The following KCNH5 variants were observed in gnomAD, a reference collection of about 807,000 sequenced individuals.
KCNH5 encodes the protein potassium voltage-gated channel subfamily H member 5, also known as voltage-gated delayed rectifier potassium channel KCNH5.
In KCNH5, 46 loss-of-function variants were observed where a neutral mutation model predicts 96.1. That is an observed-to-expected ratio of 0.48 (90% CI 0.38 to 0.61). The LOEUF (loss-of-function observed/expected upper bound fraction) is 0.61, where lower values mean the gene tolerates loss of function less well. Ranked by LOEUF, KCNH5 falls within the 20% of genes least tolerant of loss-of-function variation. KCNH5 has a pLI of 0.00. For synonymous variants in KCNH5, 439 were observed against 449.8 expected, an observed-to-expected ratio of 0.98 and a Z score of 0.30; for missense variants, 907 against 1,225.8, an observed-to-expected ratio of 0.74 and a Z score of 3.88.
At chr14:62,727,094 G>A (rs1201621801) in intron 10 of KCNH5, among the ~76,000 whole-genome samples, 1 of 152,174 alleles carries the variant, frequency 6.6e-6, no homozygotes, top group Non-Finnish European at 1.5e-5. Context: ...GGCAGGCAGA[G>A]TGGCTTGTGC....
chr14:62,743,932 A>G (rs1042348437), intron 10 of KCNH5, among the ~76,000 whole-genome samples: 2 of 152,164 alleles, frequency 1.3e-5, no homozygotes, highest in Admixed American at 1.3e-4. Context: ...ACAAGAAATA[A>G]ACAGCCAAGT....
At chr14:62,868,401 C>T (rs1213956345) in intron 7 of KCNH5, among the ~76,000 whole-genome samples, 1 of 152,172 alleles carries the variant, frequency 6.6e-6, no homozygotes, top group Admixed American at 6.5e-5. Context: ...GAGATGCAAA[C>T]CTATTAGGTT....
chr14:62,747,059 C>T (rs557432362), intron 10 of KCNH5, among the ~76,000 whole-genome samples: 61 of 152,320 alleles, frequency 4.0e-4, no homozygotes, highest in African/African-American at 1.4e-3. Flanking sequence ...TCAGGCCGGA[C>T]GCGGCGGCTC....
chr14:62,762,243 A>G (rs900123531), intron 10 of KCNH5, among the ~76,000 whole-genome samples: 1 of 152,072 alleles, frequency 6.6e-6, no homozygotes, highest in African/African-American at 2.4e-5. Context: ...TCACACCTGG[A>G]CAGAGCAAGT....
intron 7 of KCNH5, among the ~76,000 whole-genome samples, chr14:62,923,123 T>A (rs1889410035): frequency 6.6e-6 from 1 of 151,890 alleles, no homozygotes; most frequent in Non-Finnish European, 1.5e-5. Context: ...TTCAGTACAG[T>A]TGCAGTATAT....
chr14:62,880,146 C>A (rs1030805555), intron 7 of KCNH5, among the ~76,000 whole-genome samples: 2 of 152,094 alleles, frequency 1.3e-5, no homozygotes, highest in African/African-American at 4.8e-5. Context: ...CCTACTTATG[C>A]GTTCATAGTC....
In KCNH5 at chr14:62,882,379, G is replaced by A. The variant is rs149773568; in HGVS notation, c.1370-32527C>T. On this transcript the variant is annotated intron_variant, in intron 7 of 10. Transcript: ENST00000322893. ...AGAATTCTCTCTACTGAAAGAACTAGTATTGAGCTGCATGCTGTAATTTCT... is the reference window on the plus strand; with the variant it reads ...AGAATTCTCTCTACTGAAAGAACTAATATTGAGCTGCATGCTGTAATTTCT... Among the ~76,000 whole-genome samples the A allele has an allele frequency of 1.9e-3, 283 of 152,322 alleles. 1 individual carries two copies. The highest frequency in any genetic ancestry group is 0.01 in the Middle Eastern group (3 of 294).
At chr14:62,997,141 G>T (rs1317965778) in intron 4 of KCNH5, among the ~76,000 whole-genome samples, 2 of 152,154 alleles carry the variant, frequency 1.3e-5, no homozygotes, top group Non-Finnish European at 2.9e-5. Flanking sequence ...CATGGAGAAT[G>T]AGATATCCAT....
chr14:62,896,806 G>A (rs567853774), intron 7 of KCNH5, among the ~76,000 whole-genome samples: 3 of 152,188 alleles, frequency 2.0e-5, no homozygotes, highest in East Asian at 3.9e-4. Context: ...TAATCTCAAC[G>A]GAATATTTAG....
chr14:63,016,815 C>T lies in KCNH5; in HGVS notation c.197+16G>A, dbSNP rs370733252. On this transcript the variant is annotated intron_variant, in intron 2 of 10. Transcript: ENST00000322893. ...TTAAATTTCAGAAAAGATTACTTAG[C>T]TATTCTGTTACCTACCTGCAAGTGC... 18 of 1,599,666 alleles carry T rather than the reference C, an allele frequency of 1.1e-5. No homozygotes were observed. The highest frequency in any genetic ancestry group is 2.2e-5 in the East Asian group (1 of 44,694).
intron 7 of KCNH5, among the ~76,000 whole-genome samples, chr14:62,925,934 G>C (rs576691932): frequency 5.3e-5 from 8 of 152,132 alleles, no homozygotes; most frequent in African/African-American, 1.9e-4. Context: ...GGCATTTTTT[G>C]TCAATGTATA....
chr14:62,755,551 A>T (rs1566650226), intron 10 of KCNH5, among the ~76,000 whole-genome samples: 1 of 152,176 alleles, frequency 6.6e-6, no homozygotes, highest in Non-Finnish European at 1.5e-5. Flanking sequence ...AAATAGAGGC[A>T]GAAGGAATCC....
At chr14:63,006,111 C>T (rs1891120502) in intron 3 of KCNH5, among the ~76,000 whole-genome samples, 1 of 152,082 alleles carries the variant, frequency 6.6e-6, no homozygotes, top group African/African-American at 2.4e-5. Flanking sequence ...GTATTAATTA[C>T]AAAATATTTT....
intron 7 of KCNH5, among the ~76,000 whole-genome samples, chr14:62,941,949 C>G (rs1889797894): frequency 6.6e-6 from 1 of 152,166 alleles, no homozygotes; most frequent in Admixed American, 6.5e-5. Context: ...ACATGCCTTT[C>G]AGTCTTCCTA....
chr14:62,728,835 C>A (rs1267847059), intron 10 of KCNH5, among the ~76,000 whole-genome samples: 1 of 152,038 alleles, frequency 6.6e-6, no homozygotes, highest in Non-Finnish European at 1.5e-5. Flanking sequence ...AGTAGGAATT[C>A]ATCAAAAGGA....
rs375347137 is a variant in KCNH5 at position 62,707,663 on chromosome 14, T to C, written c.2812A>G (p.Ile938Val). ...MTALEKQVAEILKILSEKSVP... is the reference protein window; with the variant it reads ...MTALEKQVAEVLKILSEKSVP... ...CTTTTTTCCGACAGTATTTTTAAAA[T>C]TTCTGCCACCTGCTTTTCTAGGGCA... The change falls in exon 11 of 11, where the codon ATT becomes GTT. Residue 938 changes from isoleucine to valine, a missense_variant. Ile to Val is a conservative substitution (Grantham distance 29). Around this residue, in one of 6 missense-constraint regions of KCNH5, gnomAD observed 362 missense variants for 394.4 expected, o/e 0.92. Coordinates refer to ENST00000322893, the MANE Select transcript of KCNH5 (RefSeq NM_139318.5). 6.3e-7 allele frequency: 1 copy of C among 1,588,974 alleles called. No homozygotes were observed. The highest frequency in any genetic ancestry group is 8.6e-7 in the Non-Finnish European group (1 of 1,163,430).
Position 62,889,476 on chromosome 14 carries a change from C to G in KCNH5, c.1370-39624G>C, listed in dbSNP as rs1433841701. Among the ~76,000 whole-genome samples, 3 of 152,178 alleles carry G rather than the reference C, an allele frequency of 2.0e-5. No homozygotes were observed. In the South Asian group the frequency reaches 6.2e-4, roughly 32 times the overall value. ...ACATGGCAGGAAGCAAGGGAAAAGT[C>G]AACAACTAAGAGCAGAGATATTGGG... is the stretch of plus-strand genomic sequence containing the variant. On this transcript the variant is annotated intron_variant, in intron 7 of 10. Transcript: ENST00000322893.
At chr14:62,927,984 T>A (rs1344550187) in intron 7 of KCNH5, among the ~76,000 whole-genome samples, 1 of 152,104 alleles carries the variant, frequency 6.6e-6, no homozygotes, top group African/African-American at 2.4e-5. Context: ...TCAGATTTCA[T>A]CCCGACACTG....
intron 2 of KCNH5, among the ~76,000 whole-genome samples, chr14:63,006,844 GC>G (rs1891137522): frequency 1.3e-5 from 2 of 152,170 alleles, no homozygotes; most frequent in Admixed American, 1.3e-4. Context: ...TTCTTTCAAA[GC>G]CTGTCAGTAT....
Sources: allele counts gnomAD v4.1 joint callset (sites outside exome capture counted in the v4.1 genomes callset), GRCh38; gene constraint gnomAD v4.1.1; regional missense constraint gnomAD v4.1.1; transcripts MANE v1.5; gene names NCBI Gene and HGNC (gene_info 2026-07-23, HGNC 2026-07-21).